The following GALNT17 variants were observed in gnomAD, a reference collection of about 807,000 sequenced individuals.
GALNT17 encodes the protein UDP-GalNAc:polypeptide N-acetylgalactosaminyltransferase-like 3.
Under a neutral mutation model 63.7 loss-of-function variants are expected in GALNT17, and 29 were observed. That is an observed-to-expected ratio of 0.46 (90% confidence interval 0.34 to 0.62). GALNT17 has a LOEUF of 0.62. GALNT17 is among the 20% of genes least tolerant of loss of function. GALNT17 has a pLI of 0.01. For missense variants in GALNT17, 603 were observed against 799.6 expected (o/e 0.75, Z 2.97); for synonymous variants, 305 against 318.3 (o/e 0.96, Z 0.45).
chr7:71,666,037 A>G (rs1790980212), intron 7 of GALNT17, among the ~76,000 whole-genome samples: 2 of 152,154 alleles, frequency 1.3e-5, no homozygotes, highest in Admixed American at 6.5e-5. Flanking sequence ...CATTCTGCTC[A>G]GAAGATGGCC....
intron 8 of GALNT17, among the ~76,000 whole-genome samples, chr7:71,670,870 G>A (rs1246616232): frequency 7.1e-6 from 1 of 140,390 alleles, no homozygotes; most frequent in East Asian, 2.1e-4. Flanking sequence ...TTGATGTGTG[G>A]GCCTCCGGAC....
At chr7:71,213,682 A>T (rs990299) in intron 1 of GALNT17, among the ~76,000 whole-genome samples, 56,685 of 152,004 alleles carry the variant, frequency 0.37, 10,905 homozygotes, top group South Asian at 0.53. Flanking sequence ...TTTTTCTCCC[A>T]CATGGGATGA....
At chr7:71,133,500 G>C (rs2116132663) in intron 1 of GALNT17, among the ~76,000 whole-genome samples, 1 of 152,268 alleles carries the variant, frequency 6.6e-6, no homozygotes, top group African/African-American at 2.4e-5. Flanking sequence ...AAGGCCCCAG[G>C]TCGCGGAGCT....
intron 1 of GALNT17, among the ~76,000 whole-genome samples, chr7:71,226,096 A>G (rs1003743775): frequency 6.6e-6 from 1 of 152,218 alleles, no homozygotes; most frequent in Non-Finnish European, 1.5e-5. Flanking sequence ...TATGAGCAAT[A>G]TATTAATAAA....
In GALNT17 at chr7:71,132,720, G is replaced by C. The variant is rs1036482327; in HGVS notation, c.-83G>C. On this transcript the variant is annotated 5_prime_UTR_variant, in exon 1 of 11. Transcript: ENST00000333538. Reference sequence around the variant, plus strand: ...CCCTGCCGGCCGTCTGGTGTGTGAGGCTTGCACGGCCCCTGGCTGCCCCGC... The same window carrying C: ...CCCTGCCGGCCGTCTGGTGTGTGAGCCTTGCACGGCCCCTGGCTGCCCCGC... The C allele has an allele frequency of 3.3e-6, 4 of 1,209,098 alleles. No homozygotes were observed. Among genetic ancestry groups the C allele is most frequent in the Admixed American group, 2.4e-5 (1 of 40,938 alleles). The allele number at this position is 1,209,098 out of a possible 1,614,324, so 74.9% of individuals were successfully genotyped here.
intron 5 of GALNT17, among the ~76,000 whole-genome samples, chr7:71,524,072 C>T (rs1467047728): frequency 6.6e-6 from 1 of 151,104 alleles, no homozygotes; most frequent in Non-Finnish European, 1.5e-5. Flanking sequence ...GAGCTGAGAT[C>T]ACACCATTGC....
At chr7:71,384,966 T>C (rs939721540) in intron 2 of GALNT17, among the ~76,000 whole-genome samples, 7 of 152,200 alleles carry the variant, frequency 4.6e-5, no homozygotes, top group African/African-American at 1.7e-4. Context: ...TCTCCTGCAT[T>C]GCATTGACAA....
intron 2 of GALNT17, among the ~76,000 whole-genome samples, chr7:71,346,216 A>G (rs1395118871): frequency 6.6e-6 from 1 of 151,236 alleles, no homozygotes; most frequent in Non-Finnish European, 1.5e-5. Flanking sequence ...GTGTGTATAT[A>G]TATTTATATA....
intron 1 of GALNT17, among the ~76,000 whole-genome samples, chr7:71,159,298 A>G (rs1788296683): frequency 6.6e-6 from 1 of 151,730 alleles, no homozygotes. Flanking sequence ...AAAAACGTTG[A>G]GAGGTTCCTT....
chr7:71,202,070 A>G (rs1322187492), intron 1 of GALNT17, among the ~76,000 whole-genome samples: 1 of 152,164 alleles, frequency 6.6e-6, no homozygotes, highest in African/African-American at 2.4e-5. Context: ...ATAATGTTCA[A>G]TGAAGAAAAT....
intron 1 of GALNT17, among the ~76,000 whole-genome samples, chr7:71,284,944 A>T (rs1370395086): frequency 6.6e-6 from 1 of 152,090 alleles, no homozygotes; most frequent in Non-Finnish European, 1.5e-5. Flanking sequence ...ACAGGACTCA[A>T]CTGGTGGGGT....
intron 5 of GALNT17, among the ~76,000 whole-genome samples, chr7:71,432,487 T>C (rs1001394851): frequency 2.6e-5 from 4 of 152,134 alleles, no homozygotes; most frequent in African/African-American, 9.7e-5. Context: ...AAAGACACTC[T>C]TATCAGGTAG....
In GALNT17 at chr7:71,237,227, G is replaced by A. The variant is rs1196980962; in HGVS notation, c.239-98323G>A. Reference sequence around the variant, plus strand: ...ATGTAATGCAAGTAGGCATTCCCCCGGCAAGTTCGGGGGAGTAGCTGACAT... The same window carrying A: ...ATGTAATGCAAGTAGGCATTCCCCCAGCAAGTTCGGGGGAGTAGCTGACAT... On this transcript the variant is annotated intron_variant, in intron 1 of 10. Transcript: ENST00000333538. Among the ~76,000 whole-genome samples, 5 of 152,248 alleles carry A rather than the reference G, an allele frequency of 3.3e-5. No individual in the cohort carries two copies. The South Asian group carries it at 8.3e-4, about 25-fold the overall frequency.
At chr7:71,385,727 G>A (rs2116333389) in intron 2 of GALNT17, among the ~76,000 whole-genome samples, 1 of 152,262 alleles carries the variant, frequency 6.6e-6, no homozygotes, top group African/African-American at 2.4e-5. Context: ...GCACCTGGCT[G>A]CAGAGGACCT....
At chr7:71,525,349 ATTTT>A (rs996859373) in intron 5 of GALNT17, among the ~76,000 whole-genome samples, 2 of 151,748 alleles carry the variant, frequency 1.3e-5, no homozygotes, top group African/African-American at 4.8e-5. Flanking sequence ...TGCCCGGCTA[ATTTT>A]TTTGTTTGTT....
chr7:71,211,230 T>C (rs1364514853), intron 1 of GALNT17, among the ~76,000 whole-genome samples: 1 of 152,150 alleles, frequency 6.6e-6, no homozygotes, highest in African/African-American at 2.4e-5. Flanking sequence ...AGTTGAATCA[T>C]GGGGGCTGGT....
chr7:71,476,330 T>C (rs546697832), intron 5 of GALNT17, among the ~76,000 whole-genome samples: 45 of 152,310 alleles, frequency 3.0e-4, no homozygotes, highest in African/African-American at 1.0e-3. Flanking sequence ...CTGGATATCT[T>C]GAGCTGCTGT....
intron 1 of GALNT17, among the ~76,000 whole-genome samples, chr7:71,171,377 A>G (rs972073723): frequency 3.9e-5 from 6 of 152,202 alleles, no homozygotes; most frequent in African/African-American, 1.4e-4. Flanking sequence ...AAAATTAGCC[A>G]GGAGTAGCTG....
At chr7:71,602,126 C>G (rs1789974998) in intron 6 of GALNT17, among the ~76,000 whole-genome samples, 1 of 152,210 alleles carries the variant, frequency 6.6e-6, no homozygotes, top group Non-Finnish European at 1.5e-5. Context: ...CTTTCTTGTC[C>G]TAAACTTATG....
Sources: allele counts gnomAD v4.1 joint callset (sites outside exome capture counted in the v4.1 genomes callset), GRCh38; gene constraint gnomAD v4.1.1; transcripts MANE v1.5; gene names NCBI Gene and HGNC (gene_info 2026-07-23, HGNC 2026-07-21).